Variants in DISC1 observed in about 807,000 individuals in gnomAD.
The protein encoded by DISC1 is disrupted in schizophrenia 1 protein.
DISC1 carries 57 observed loss-of-function variants against 84.5 expected under a neutral mutation model. The observed-to-expected ratio is 0.67, with a 90% CI of 0.55 to 0.84. The LOEUF (loss-of-function observed/expected upper bound fraction) is 0.84, where lower values mean the gene tolerates loss of function less well. Among genes scored for constraint, DISC1 ranks in the 40% least tolerant of loss-of-function variants. The pLI is 0.00. For synonymous variants in DISC1, 411 were observed against 415.2 expected, an observed-to-expected ratio of 0.99 and a Z score of 0.12; for missense variants, 1,000 against 1,057.8, an observed-to-expected ratio of 0.95 and a Z score of 0.76.
chr1:231,860,037 G>A (rs2084539696), intron 9 of DISC1, among the ~76,000 whole-genome samples: 1 of 152,216 alleles, frequency 6.6e-6, no homozygotes, highest in South Asian at 2.1e-4. Context: ...ATGCTTTAAT[G>A]TGGATTTAGG....
At chr1:231,945,357 T>A (rs983675058) in intron 9 of DISC1, 3 of 152,196 alleles carry the variant, frequency 2.0e-5, no homozygotes, top group Non-Finnish European at 4.4e-5. Flanking sequence ...TGCTCCTGAA[T>A]GACTCCTGGG....
At chr1:231,716,202 C>T (rs2068685136) in intron 3 of DISC1, among the ~76,000 whole-genome samples, 1 of 151,946 alleles carries the variant, frequency 6.6e-6, no homozygotes, top group African/African-American at 2.4e-5. Flanking sequence ...TGAAAAATCT[C>T]CCTGCCAGCA....
intron 11 of DISC1, among the ~76,000 whole-genome samples, chr1:232,013,929 G>C (rs1427419591): frequency 6.6e-6 from 1 of 152,134 alleles, no homozygotes; most frequent in Non-Finnish European, 1.5e-5. Flanking sequence ...GGAGAAAAAG[G>C]AGTGTGAGAG....
rs60722025 is a variant in DISC1 at position 231,952,691 on chromosome 1, TTATA to T, written c.1982-6117_1982-6114del. On this transcript the variant is annotated intron_variant, in intron 9 of 12. Coordinates refer to ENST00000439617, the MANE Select transcript of DISC1 (RefSeq NM_018662.3). ...CCTATTGTCTCTCATATATATATGT[TTATA>T]TATATATATATATATATATGTATAT... Among the ~76,000 whole-genome samples the T allele has an allele frequency of 7.1e-3, 1,002 of 141,808 alleles. 12 individuals are homozygous for T. Among genetic ancestry groups the T allele is most frequent in the African/African-American group, 0.018 (718 of 39,020 alleles). The allele number at this position is 141,808 out of a possible 152,430, so 93.0% of individuals were successfully genotyped here.
At chr1:231,653,421 C>T (rs187092544) in intron 1 of DISC1, among the ~76,000 whole-genome samples, 1 of 152,096 alleles carries the variant, frequency 6.6e-6, no homozygotes, top group African/African-American at 2.4e-5. Context: ...GCTTAGCTGG[C>T]TGATAGTGGA....
intron 3 of DISC1, among the ~76,000 whole-genome samples, chr1:231,739,994 G>T (rs1300450012): frequency 6.6e-6 from 1 of 152,164 alleles, no homozygotes. Context: ...GGTCATGAGG[G>T]TGGAGGCTTC....
chr1:231,723,274 T>C (rs1204753418), intron 3 of DISC1: 1 of 983,438 alleles, frequency 1.0e-6, no homozygotes, highest in Non-Finnish European at 1.2e-6. Context: ...ATGAGTAGAC[T>C]CACATGTTAA....
intron 4 of DISC1, among the ~76,000 whole-genome samples, chr1:231,766,896 C>A (rs186856298): frequency 6.6e-6 from 1 of 152,212 alleles, no homozygotes. Context: ...TCAGGGGCTA[C>A]CTTATCAGAC....
chr1:231,773,405 G>C (rs964501948), intron 6 of DISC1, among the ~76,000 whole-genome samples: 4 of 152,166 alleles, frequency 2.6e-5, no homozygotes, highest in African/African-American at 9.7e-5. Context: ...TATGTTTTGA[G>C]ATAGAGTCTC....
At chr1:231,887,321 G>C (rs764508031) in intron 9 of DISC1, among the ~76,000 whole-genome samples, 1 of 152,156 alleles carries the variant, frequency 6.6e-6, no homozygotes, top group Non-Finnish European at 1.5e-5. Context: ...CCATTTTCCC[G>C]TTTATCCTAG....
intron 9 of DISC1, among the ~76,000 whole-genome samples, chr1:231,869,023 G>A (rs1037256410): frequency 3.9e-5 from 6 of 152,068 alleles, no homozygotes; most frequent in African/African-American, 1.2e-4. Context: ...CCCTAAATGC[G>A]AGGAAGAAGC....
rs1455147301 is a variant in DISC1, at chr1:231,662,311, G to A, written c.68-31515G>A. Reference sequence around the variant, plus strand: ...CATTGTGGCAGACCCTTCCTCATCTGGACTGTTTGCATTCTCCAAAGCCAG... The same window carrying A: ...CATTGTGGCAGACCCTTCCTCATCTAGACTGTTTGCATTCTCCAAAGCCAG... On this transcript the variant is annotated intron_variant, in intron 1 of 12. Coordinates refer to ENST00000439617, the MANE Select transcript of DISC1 (RefSeq NM_018662.3). 2.6e-5 allele frequency among the ~76,000 whole-genome samples: 4 copies of A among 152,326 alleles called. 1 individual carries two copies. The South Asian group carries it at 8.3e-4, about 32-fold the overall frequency.
chr1:232,017,691 C>T (rs200648658), intron 11 of DISC1, among the ~76,000 whole-genome samples: 1 of 152,100 alleles, frequency 6.6e-6, no homozygotes, highest in African/African-American at 2.4e-5. Context: ...CAGGTACTAA[C>T]CCCTCCCCTG....
chr1:231,694,253 C>G lies in DISC1; in HGVS notation c.495C>G (p.Ser165Arg). Reference sequence around the variant, plus strand: ...ACGCCAGCTGGGAGGCAGCCTGCAGCGATGGAGCAAGGCGTGTCCGGGCAG... The same window carrying G: ...ACGCCAGCTGGGAGGCAGCCTGCAGGGATGGAGCAAGGCGTGTCCGGGCAG... ...TLDASWEAAC[S>R]DGARRVRAAG... The change falls in exon 2 of 13, where the codon AGC (serine) becomes AGG (arginine). Residue 165 changes from serine to arginine, a missense_variant. Around this residue, in one of 3 missense-constraint regions of DISC1, gnomAD observed 292 missense variants for 280.2 expected, o/e 1.04. Coordinates refer to ENST00000439617, the MANE Select transcript of DISC1 (RefSeq NM_018662.3). The G allele has an allele frequency of 6.2e-7, 1 of 1,614,226 alleles. No individual in the cohort carries two copies. Among genetic ancestry groups the G allele is most frequent in the Non-Finnish European group, 8.5e-7 (1 of 1,180,036 alleles).
At chr1:231,964,135 T>A (rs768731733) in intron 10 of DISC1, among the ~76,000 whole-genome samples, 1 of 152,200 alleles carries the variant, frequency 6.6e-6, no homozygotes, top group Non-Finnish European at 1.5e-5. Context: ...TCTCCTCCCT[T>A]AATAAGATTA....
chr1:231,722,996 C>A (rs761124502), intron 3 of DISC1: 199 of 1,139,958 alleles, frequency 1.7e-4, no homozygotes, highest in Non-Finnish European at 1.7e-4. Flanking sequence ...ACTTCGGAGG[C>A]CTTTAGGACA....
At chr1:231,938,435 C>T (rs1213305804) in intron 9 of DISC1, among the ~76,000 whole-genome samples, 1 of 152,134 alleles carries the variant, frequency 6.6e-6, no homozygotes, top group Non-Finnish European at 1.5e-5. Flanking sequence ...AAGTGGGCAG[C>T]CTCTGAAGCT....
chr1:231,839,178 C>A (rs1479976295), intron 9 of DISC1, among the ~76,000 whole-genome samples: 1 of 152,150 alleles, frequency 6.6e-6, no homozygotes, highest in Non-Finnish European at 1.5e-5. Context: ...GAGGAGAGCA[C>A]AGACTCAGAG....
At chr1:232,036,318 G>C (rs1336709019) in intron 12 of DISC1, among the ~76,000 whole-genome samples, 1 of 152,088 alleles carries the variant, frequency 6.6e-6, no homozygotes. Flanking sequence ...CCTTTCCACT[G>C]TCAAGAGTAT....
Sources: allele counts gnomAD v4.1 joint callset (sites outside exome capture counted in the v4.1 genomes callset), GRCh38; gene constraint gnomAD v4.1.1; regional missense constraint gnomAD v4.1.1; transcripts MANE v1.5; gene names NCBI Gene and HGNC (gene_info 2026-07-23, HGNC 2026-07-21).